Variants in ROR2 observed in about 807,000 individuals in gnomAD.
ROR2 encodes tyrosine-protein kinase transmembrane receptor ROR2.
Under a neutral mutation model 74.9 loss-of-function variants are expected in ROR2, and 33 were observed. That is an observed-to-expected ratio of 0.44 (90% CI 0.33 to 0.59). ROR2 has a LOEUF of 0.59. Among genes scored for constraint, ROR2 ranks in the 20% least tolerant of loss-of-function variants. The pLI is 0.02. For missense variants in ROR2, 1,216 were observed against 1,313.8 expected (o/e 0.93, Z 1.15); for synonymous variants, 586 against 558.7 (o/e 1.05, Z -0.69).
intron 1 of ROR2, among the ~76,000 whole-genome samples, chr9:91,898,832 C>T (rs1935060032): frequency 2.0e-5 from 3 of 152,190 alleles, no homozygotes; most frequent in Admixed American, 6.5e-5. Context: ...CAGGCAGGCC[C>T]GGCTGCCTCC....
chr9:91,845,331 C>T (rs1278626379), intron 1 of ROR2, among the ~76,000 whole-genome samples: 1 of 152,150 alleles, frequency 6.6e-6, no homozygotes, highest in Non-Finnish European at 1.5e-5. Context: ...AAGGCCATGC[C>T]TGCCCCCAAA....
chr9:91,796,054 C>T (rs1564281811), intron 1 of ROR2, among the ~76,000 whole-genome samples: 1 of 152,148 alleles, frequency 6.6e-6, no homozygotes, highest in Non-Finnish European at 1.5e-5. Context: ...TGAAGAAAAC[C>T]AGAGCAAAAC....
chr9:91,732,443 C>A (rs1587664809), intron 6 of ROR2, among the ~76,000 whole-genome samples: 1 of 152,142 alleles, frequency 6.6e-6, no homozygotes, highest in Non-Finnish European at 1.5e-5. Context: ...CACACCCAGG[C>A]CCCGGGCTCA....
intron 1 of ROR2, among the ~76,000 whole-genome samples, chr9:91,791,877 T>C (rs1362545612): frequency 2.6e-5 from 4 of 152,184 alleles, no homozygotes; most frequent in Non-Finnish European, 5.9e-5. Context: ...TTAATACATT[T>C]AAAAAGATTA....
chr9:91,761,744 G>A (rs1428952246), intron 2 of ROR2, among the ~76,000 whole-genome samples: 2 of 152,118 alleles, frequency 1.3e-5, no homozygotes, highest in East Asian at 3.8e-4. Context: ...GATAAACATA[G>A]AAATTGACCC....
In ROR2 at chr9:91,881,081, G is replaced by A. The variant is rs557438843; in HGVS notation, c.97+68786C>T. Among the ~76,000 whole-genome samples, 4 of 152,182 alleles carry A rather than the reference G, an allele frequency of 2.6e-5. No individual in the cohort carries two copies. The East Asian group carries it at 7.7e-4, about 29-fold the overall frequency. ...GCCGCTTACTTTCAGATGGCTAGAG[G>A]GGGGAGAAGGAACTTCCATATACTC... On this transcript the variant is annotated intron_variant, in intron 1 of 8. Coordinates refer to ENST00000375708, the MANE Select transcript of ROR2 (RefSeq NM_004560.4).
chr9:91,905,981 A>G lies in ROR2; in HGVS notation c.97+43886T>C, dbSNP rs1049722682. Among the ~76,000 whole-genome samples, 12 of 144,176 alleles carry G rather than the reference A, an allele frequency of 8.3e-5. No individual in the cohort carries two copies. The highest frequency in any genetic ancestry group is 2.4e-4 in the African/African-American group (9 of 37,542). 94.6% of individuals were successfully genotyped at this position (144,176 alleles called of 152,430 possible). A position where few individuals can be genotyped will look rare whatever the true frequency, so the allele number is the denominator to read the frequency against. ...AGAAACTATTATTAATGAAGAAGCA[A>G]AAACACCCCTTAAAGAGAATTCTTT... On this transcript the variant is annotated intron_variant, in intron 1 of 8. Transcript: ENST00000375708. The surrounding 1 kb of genome is among the most constrained non-coding windows in gnomAD (Gnocchi z 5.3).
In ROR2 at chr9:91,866,128, T is replaced by C. The variant is rs536397267; in HGVS notation, c.97+83739A>G. Among the ~76,000 whole-genome samples, 5 of 152,236 alleles carry C rather than the reference T, an allele frequency of 3.3e-5. No individual in the cohort carries two copies. The East Asian group carries it at 7.7e-4, about 24-fold the overall frequency. On this transcript the variant is annotated intron_variant, in intron 1 of 8. Coordinates refer to ENST00000375708, the MANE Select transcript of ROR2 (RefSeq NM_004560.4). ...ATGTTTTTTGGGTTTTGTTTTTTTG[T>C]TTATTTTTTAAGATGGAGTCTCGCT...
intron 1 of ROR2, among the ~76,000 whole-genome samples, chr9:91,808,024 T>C (rs1397857680): frequency 3.3e-5 from 5 of 152,132 alleles, no homozygotes; most frequent in Admixed American, 3.3e-4. Context: ...ATTATGTTGT[T>C]TAGGTACCTA....
intron 1 of ROR2, among the ~76,000 whole-genome samples, chr9:91,835,237 T>C (rs1828575767): frequency 6.6e-6 from 1 of 152,194 alleles, no homozygotes; most frequent in African/African-American, 2.4e-5. Flanking sequence ...CATTTGCTAA[T>C]GGAAGCAAAG....
intron 1 of ROR2, among the ~76,000 whole-genome samples, chr9:91,872,959 C>A (rs1319216066): frequency 6.6e-6 from 1 of 152,240 alleles, no homozygotes; most frequent in Non-Finnish European, 1.5e-5. Flanking sequence ...ACATTTTTAA[C>A]TCTGTAAAAG....
At chr9:91,942,090 C>T (rs1831887669) in intron 1 of ROR2, among the ~76,000 whole-genome samples, 2 of 152,192 alleles carry the variant, frequency 1.3e-5, no homozygotes, top group Admixed American at 6.5e-5. Context: ...CACCAGGCCC[C>T]TGTGGTCTTC....
At chr9:91,730,004 T>C (rs1837178176) in intron 7 of ROR2, among the ~76,000 whole-genome samples, 2 of 152,330 alleles carry the variant, frequency 1.3e-5, no homozygotes, top group South Asian at 4.1e-4. Context: ...TTGCCTAGAC[T>C]GGAGCGTAGT....
At chr9:91,806,814 C>A (rs1392761306) in intron 1 of ROR2, among the ~76,000 whole-genome samples, 1 of 152,184 alleles carries the variant, frequency 6.6e-6, no homozygotes, top group African/African-American at 2.4e-5. Context: ...TGGTCTCGAT[C>A]TCCTGACCTT....
rs1167780367 is a variant in ROR2 at position 91,744,213 on chromosome 9, C to CTT, written c.495-6697_495-6696dup. Among the ~76,000 whole-genome samples the CTT allele has an allele frequency of 8.1e-3, 718 of 89,028 alleles. 81 individuals carry two copies. The highest frequency in any genetic ancestry group is 0.028 in the African/African-American group (622 of 22,328). 58.4% of individuals were successfully genotyped at this position (89,028 alleles called of 152,430 possible). ...TTGACCCTCCACAGAAATTTGTTAA[C>CTT]TTTTTTTTTTTTTTTTTTTTTTTTG... On this transcript the variant is annotated intron_variant, in intron 4 of 8. Coordinates refer to ENST00000375708, the MANE Select transcript of ROR2 (RefSeq NM_004560.4).
At position 91,760,785 on chromosome 9, in the gene ROR2, C is replaced by A. The variant is rs182631623; in HGVS notation, c.176-3226G>T. 3.9e-3 allele frequency among the ~76,000 whole-genome samples: 599 copies of A among 152,218 alleles called. 2 individuals are homozygous for A. Among genetic ancestry groups the A allele is most frequent in the African/African-American group, 0.014 (562 of 41,544 alleles). The stretch of plus-strand genomic sequence containing the variant: ...TTAATGGATAATTTGCATAAAACTA[C>A]CCACTTCATGATATTGAGAAAGCAT... On this transcript the variant is annotated intron_variant, in intron 2 of 8. Transcript: ENST00000375708.
At chr9:91,769,326 C>T (rs1019246586) in intron 2 of ROR2, among the ~76,000 whole-genome samples, 10 of 152,264 alleles carry the variant, frequency 6.6e-5, no homozygotes, top group African/African-American at 1.9e-4. Context: ...CTCCAGCCGA[C>T]ACCCGCAGGG....
chr9:91,855,905 A>G (rs891943146), intron 1 of ROR2, among the ~76,000 whole-genome samples: 9 of 152,026 alleles, frequency 5.9e-5, no homozygotes, highest in African/African-American at 9.7e-5. Flanking sequence ...CACCACCAGA[A>G]TGATCCTGGG....
At chr9:91,864,109 G>GC (rs1196025207) in intron 1 of ROR2, among the ~76,000 whole-genome samples, 10 of 152,200 alleles carry the variant, frequency 6.6e-5, no homozygotes, top group Non-Finnish European at 1.3e-4. Flanking sequence ...CCTTAAATAT[G>GC]CAAGGGTCCC....
Sources: gnomAD v4.1 joint callset for allele counts (sites outside exome capture counted in the v4.1 genomes callset) on GRCh38, gnomAD v4.1.1 for gene constraint, Gnocchi (gnomAD v3.1) non-coding constraint, MANE v1.5 for transcripts, NCBI Gene and HGNC (gene_info 2026-07-23, HGNC 2026-07-21) for gene names.